The following PPP1R21 variants were observed in gnomAD, a reference collection of about 807,000 sequenced individuals.
PPP1R21 encodes the protein KLRAQ motif containing 1.
A neutral mutation model predicts 112.8 loss-of-function variants in PPP1R21; 85 were observed. The observed-to-expected ratio is 0.75, with a 90% CI of 0.63 to 0.90. The LOEUF (loss-of-function observed/expected upper bound fraction) is 0.90, where lower values mean the gene tolerates loss of function less well. Ranked by LOEUF, PPP1R21 falls within the 40% of genes least tolerant of loss-of-function variation. The probability of loss-of-function intolerance (pLI) is 0.00; values close to 1 mark genes in which losing one functional copy is unlikely to be tolerated. For synonymous variants in PPP1R21, 381 were observed against 322.3 expected, an observed-to-expected ratio of 1.18 and a Z score of -1.95; for missense variants, 1,199 against 901.5, an observed-to-expected ratio of 1.33 and a Z score of -4.23.
intron 2 of PPP1R21, 149 bp from the exon 3 acceptor site, chr2:48,454,446 C>CT: frequency 1.1e-6 from 1 of 871,402 alleles, no homozygotes. Flanking sequence ...GTGCTAAAAA[C>CT]TTAAGAACTG....
chr2:48,506,096 ATT>A (rs1670361552), intron 18 of PPP1R21, among the ~76,000 whole-genome samples: 1 of 152,096 alleles, frequency 6.6e-6, no homozygotes, highest in South Asian at 2.1e-4. Context: ...ATGTAACTTT[ATT>A]TATTTATTTA....
At chr2:48,481,232 A>G (rs1203973169) in intron 13 of PPP1R21, among the ~76,000 whole-genome samples, 1 of 152,144 alleles carries the variant, frequency 6.6e-6, no homozygotes, top group Non-Finnish European at 1.5e-5. Flanking sequence ...CAGGTGACCC[A>G]CCTGCCGTGG....
chr2:48,501,446 A>G (rs1314872992), intron 17 of PPP1R21, among the ~76,000 whole-genome samples: 3 of 152,208 alleles, frequency 2.0e-5, no homozygotes, highest in Non-Finnish European at 4.4e-5. Context: ...TTTCCAAAGT[A>G]TTAGTCAGTC....
chr2:48,489,374 G>A (rs187022050), intron 14 of PPP1R21, among the ~76,000 whole-genome samples: 44 of 151,530 alleles, frequency 2.9e-4, no homozygotes, highest in African/African-American at 1.0e-3. Flanking sequence ...GATGGTGTGC[G>A]TCTGTGGTCT....
At chr2:48,506,583 T>G (rs941030282) in intron 18 of PPP1R21, among the ~76,000 whole-genome samples, 2 of 152,190 alleles carry the variant, frequency 1.3e-5, no homozygotes, top group African/African-American at 2.4e-5. Flanking sequence ...TGTCATTGTT[T>G]GAGTAACTAG....
In PPP1R21 at chr2:48,471,374, A is replaced by AC. The variant is rs760890901; in HGVS notation, c.1088+12dup. 34 of 1,600,302 alleles carry AC rather than the reference A, an allele frequency of 2.1e-5. No individual in the cohort carries two copies. Among genetic ancestry groups the AC allele is most frequent in the Non-Finnish European group, 2.9e-5 (34 of 1,175,362 alleles). The stretch of plus-strand genomic sequence containing the variant: ...TTCCCTATCAGTTAAAAAGGTAGTT[A>AC]CCCCCGGAGGCCAGGGAACTTGGGG... On this transcript the variant is annotated splice_region_variant and intron_variant, in intron 11 of 21. Coordinates refer to ENST00000294952, the MANE Select transcript of PPP1R21 (RefSeq NM_001135629.3).
chr2:48,459,641 A>G, intron 4 of PPP1R21, 113 bp from the exon 5 acceptor site: 1 of 1,137,388 alleles, frequency 8.8e-7, no homozygotes. Flanking sequence ...GGTTTAACAT[A>G]GTCAGCATAT....
chr2:48,454,528 T>C (rs1667625660), intron 2 of PPP1R21, 67 bp from the exon 3 acceptor site: 1 of 1,569,262 alleles, frequency 6.4e-7, no homozygotes, highest in Non-Finnish European at 8.7e-7. Context: ...ATAGAAATAA[T>C]TTTTAATAAA....
rs893753334 is a variant in PPP1R21 at position 48,440,820 on chromosome 2, C to CGGT, written c.-132_-131insTGG. The CGGT allele has an allele frequency of 2.1e-5, 14 of 662,888 alleles. No individual in the cohort carries two copies. The highest frequency in any genetic ancestry group is 5.2e-5 in the South Asian group (3 of 57,182). The allele number at this position is 662,888 out of a possible 1,614,324, so 41.1% of individuals were successfully genotyped here. A position where few individuals can be genotyped will look rare whatever the true frequency, so the allele number is the denominator to read the frequency against. On this transcript the variant is annotated 5_prime_UTR_variant, in exon 1 of 22. Transcript: ENST00000294952. ...GGAAGTGGAGGAGGAGGCGCGGCGG[C>CGGT]GGCGGCGGCGGCGGCTGCGGTGGCC...
At chr2:48,487,588 C>G (rs999084958) in intron 14 of PPP1R21, among the ~76,000 whole-genome samples, 2 of 151,386 alleles carry the variant, frequency 1.3e-5, no homozygotes, top group Non-Finnish European at 2.9e-5. Flanking sequence ...CATGTCAAGA[C>G]CTCATCCCTA....
At chr2:48,458,915 A>G (rs887471171) in intron 4 of PPP1R21, among the ~76,000 whole-genome samples, 1 of 151,766 alleles carries the variant, frequency 6.6e-6, no homozygotes, top group African/African-American at 2.4e-5. Flanking sequence ...ACACGGTGAA[A>G]CCCCTTCTCT....
intron 13 of PPP1R21, among the ~76,000 whole-genome samples, chr2:48,485,047 AT>A (rs1669218530): frequency 6.6e-6 from 1 of 152,218 alleles, no homozygotes; most frequent in Non-Finnish European, 1.5e-5. Context: ...TACAAAAAGC[AT>A]TCAGTACTTA....
Position 48,495,573 on chromosome 2 carries a change from T to A in PPP1R21, c.1600-106T>A, listed in dbSNP as rs1669799116. On this transcript the variant is annotated intron_variant, in intron 15 of 21. Coordinates refer to ENST00000294952, the MANE Select transcript of PPP1R21 (RefSeq NM_001135629.3). ...AGAAAATAGTCTGCTTTGACATACA[T>A]CTGAATTTATTGTCACACCTCGTTT... The A allele has an allele frequency of 4.5e-6, 3 of 673,046 alleles. No homozygotes were observed. In the South Asian group the frequency reaches 5.3e-5, roughly 12 times the overall value. 41.7% of individuals were successfully genotyped at this position (673,046 alleles called of 1,614,324 possible).
At chr2:48,469,308 TAC>T (rs200485571) in intron 9 of PPP1R21, among the ~76,000 whole-genome samples, 53 of 125,222 alleles carry the variant, frequency 4.2e-4, no homozygotes, top group African/African-American at 9.6e-4. Flanking sequence ...TGTATATATA[TAC>T]ACACACACAC....
chr2:48,460,277 C>T (rs900432018), intron 6 of PPP1R21, 124 bp downstream of exon 6: 38 of 935,468 alleles, frequency 4.1e-5, no homozygotes, highest in Non-Finnish European at 5.0e-5. Flanking sequence ...GAGTAATCTA[C>T]AGGGTCCTTT....
At position 48,491,171 on chromosome 2, in the gene PPP1R21, GT is replaced by G. The variant is rs1190209927; in HGVS notation, c.1599+4del. 1.2e-6 allele frequency: 2 copies of G among 1,608,626 alleles called. No individual in the cohort carries two copies. The highest frequency in any genetic ancestry group is 3.4e-5 in the Admixed American group (2 of 58,520). On this transcript the variant is annotated splice_donor_variant, in intron 15 of 21. Transcript: ENST00000294952. LOFTEE classifies it high-confidence loss of function. Reference sequence around the variant, plus strand: ...TGCCTATATGAAGTCTTTGAGAAAGGTTTGTTAGCTGCTGTTAATATTTAAA... The same window carrying G: ...TGCCTATATGAAGTCTTTGAGAAAGGTTGTTAGCTGCTGTTAATATTTAAA...
chr2:48,501,222 C>G (rs1670097297), intron 17 of PPP1R21, among the ~76,000 whole-genome samples: 1 of 152,204 alleles, frequency 6.6e-6, no homozygotes, highest in Non-Finnish European at 1.5e-5. Context: ...GAACTGCCCC[C>G]ACTCCCTTGC....
chr2:48,460,986 T>C, intron 6 of PPP1R21, 152 bp from the exon 7 acceptor site: 2 of 1,319,436 alleles, frequency 1.5e-6, no homozygotes, highest in Non-Finnish European at 2.0e-6. Context: ...GTTTTTGTTA[T>C]CTTCCTCTTT....
In PPP1R21 at chr2:48,511,469, G is replaced by A; in HGVS notation, c.2313+1G>A. 1 of 1,611,692 alleles carries A rather than the reference G, an allele frequency of 6.2e-7. No homozygotes were observed. Among genetic ancestry groups the A allele is most frequent in the South Asian group, 1.1e-5 (1 of 90,486 alleles). On this transcript the variant is annotated splice_donor_variant, in intron 21 of 21. Transcript: ENST00000294952. LOFTEE classifies it high-confidence loss of function. ...TGACACACTAAAGATGTCCAGTAAG[G>A]TATGTGAGGTGAGGTGAGGTAGTCT...
Sources: gnomAD v4.1 joint callset for allele counts (sites outside exome capture counted in the v4.1 genomes callset) on GRCh38, gnomAD v4.1.1 for gene constraint, MANE v1.5 for transcripts, NCBI Gene and HGNC (gene_info 2026-07-23, HGNC 2026-07-21) for gene names.